The following EHHADH variants were observed in gnomAD, a reference collection of about 807,000 sequenced individuals.
EHHADH encodes peroxisomal bifunctional enzyme.
Under a neutral mutation model 64.4 loss-of-function variants are expected in EHHADH, and 48 were observed. The observed-to-expected ratio is 0.75, with a 90% CI of 0.59 to 0.95. The LOEUF (loss-of-function observed/expected upper bound fraction) is 0.95. EHHADH is among the 40% of genes least tolerant of loss of function. EHHADH has a pLI of 0.00. For missense variants in EHHADH, 854 were observed against 876.6 expected (o/e 0.97, Z 0.33); for synonymous variants, 308 against 326.7 (o/e 0.94, Z 0.62).
At chr3:185,225,731 A>G (rs1361673105) in intron 4 of EHHADH, among the ~76,000 whole-genome samples, 1 of 152,098 alleles carries the variant, frequency 6.6e-6, no homozygotes, top group Non-Finnish European at 1.5e-5. Flanking sequence ...ATTTCATTCC[A>G]GTTACATTGA....
intron 2 of EHHADH, among the ~76,000 whole-genome samples, chr3:185,238,475 C>A (rs1335889133): frequency 6.6e-6 from 1 of 151,908 alleles, no homozygotes; most frequent in Non-Finnish European, 1.5e-5. Flanking sequence ...TATCTCATTG[C>A]AGTTTTGATT....
At chr3:185,211,210 C>G (rs1718531868) in intron 5 of EHHADH, among the ~76,000 whole-genome samples, 1 of 152,196 alleles carries the variant, frequency 6.6e-6, no homozygotes, top group South Asian at 2.1e-4. Flanking sequence ...TGGTAGTTTT[C>G]AAGTCACTCA....
At chr3:185,229,993 CT>C (rs1459191092) in intron 3 of EHHADH, among the ~76,000 whole-genome samples, 6 of 152,214 alleles carry the variant, frequency 3.9e-5, no homozygotes, top group Admixed American at 3.9e-4. Flanking sequence ...GACAAGCAAC[CT>C]GTTAAAAATG....
intron 4 of EHHADH, among the ~76,000 whole-genome samples, chr3:185,226,481 T>G (rs931645316): frequency 2.0e-5 from 3 of 152,032 alleles, no homozygotes; most frequent in African/African-American, 7.2e-5. Context: ...AAACCCTGTC[T>G]CTACTAATAA....
chr3:185,194,467 C>G (rs1172544003), intron 6 of EHHADH, among the ~76,000 whole-genome samples: 1 of 151,994 alleles, frequency 6.6e-6, no homozygotes, highest in African/African-American at 2.4e-5. Context: ...ACAAAATCAG[C>G]TGGGTGTGGT....
At chr3:185,219,114 T>C (rs746454969) in intron 4 of EHHADH, among the ~76,000 whole-genome samples, 2 of 152,188 alleles carry the variant, frequency 1.3e-5, no homozygotes, top group Non-Finnish European at 2.9e-5. Context: ...AAAAATTAAG[T>C]TGACATTCTA....
At chr3:185,193,542 T>C (rs1717975379) in intron 6 of EHHADH, 55 bp from the exon 7 acceptor site, 3 of 1,568,176 alleles carry the variant, frequency 1.9e-6, no homozygotes, top group Non-Finnish European at 2.6e-6. Flanking sequence ...TGGGAACTGA[T>C]AAATTATTCA....
chr3:185,242,831 G>A (rs1422854296), intron 2 of EHHADH, among the ~76,000 whole-genome samples: 1 of 152,220 alleles, frequency 6.6e-6, no homozygotes, highest in African/African-American at 2.4e-5. Flanking sequence ...TCCCCTGCCT[G>A]TGAAGTCTGC....
chr3:185,248,524 GA>G lies in EHHADH; in HGVS notation c.75-8del. On this transcript the variant is annotated splice_region_variant and splice_polypyrimidine_tract_variant and intron_variant, in intron 1 of 6. Transcript: ENST00000231887. ...GTCACGGAGTAAAGTCGTACTAAAA[GA>G]AAACAAAATACATGAAGTAAATCAG... 3 of 1,580,756 alleles carry G rather than the reference GA, an allele frequency of 1.9e-6. No homozygotes were observed. The South Asian group carries it at 3.4e-5, about 18-fold the overall frequency.
At chr3:185,214,845 T>G (rs1417287804) in intron 5 of EHHADH, among the ~76,000 whole-genome samples, 2 of 152,236 alleles carry the variant, frequency 1.3e-5, no homozygotes, top group East Asian at 3.8e-4. Context: ...CAATATTTTA[T>G]GATAATCTAA....
chr3:185,204,342 G>A (rs114436171), intron 6 of EHHADH, 74 bp downstream of exon 6: 80 of 1,358,928 alleles, frequency 5.9e-5, no homozygotes, highest in African/African-American at 5.8e-4. Flanking sequence ...CCTAGCATCC[G>A]GTAGCCCTAA....
intron 5 of EHHADH, among the ~76,000 whole-genome samples, chr3:185,209,563 T>C (rs1004408961): frequency 1.3e-5 from 2 of 152,190 alleles, no homozygotes; most frequent in African/African-American, 4.8e-5. Context: ...AGTTTCACCA[T>C]AAAAAGACAT....
intron 6 of EHHADH, among the ~76,000 whole-genome samples, chr3:185,202,857 G>T (rs1392372727): frequency 6.6e-6 from 1 of 151,974 alleles, no homozygotes; most frequent in Non-Finnish European, 1.5e-5. Context: ...TAGACAGCTG[G>T]GCAAGGGTTA....
chr3:185,221,517 T>TC (rs991488978), intron 4 of EHHADH, among the ~76,000 whole-genome samples: 4 of 151,504 alleles, frequency 2.6e-5, no homozygotes, highest in Admixed American at 2.6e-4. Flanking sequence ...TATAAAATCA[T>TC]CCCCCCATTT....
intron 2 of EHHADH, among the ~76,000 whole-genome samples, chr3:185,236,480 A>G (rs1719300249): frequency 1.4e-5 from 2 of 141,470 alleles, no homozygotes; most frequent in Non-Finnish European, 3.3e-5. Context: ...TTTAGAGCAT[A>G]CCATAAAATC....
intron 5 of EHHADH, among the ~76,000 whole-genome samples, chr3:185,205,111 A>G (rs1316584602): frequency 6.6e-6 from 1 of 151,604 alleles, no homozygotes; most frequent in Non-Finnish European, 1.5e-5. Context: ...TTAATATATT[A>G]AATATTAATG....
At chr3:185,202,167 G>A (rs1718247665) in intron 6 of EHHADH, among the ~76,000 whole-genome samples, 1 of 152,040 alleles carries the variant, frequency 6.6e-6, no homozygotes, top group Admixed American at 6.6e-5. Flanking sequence ...GTGAAACCCT[G>A]TCTCTACTAA....
chr3:185,249,979 A>G (rs527288623), intron 1 of EHHADH, among the ~76,000 whole-genome samples: 1 of 152,152 alleles, frequency 6.6e-6, no homozygotes, highest in Non-Finnish European at 1.5e-5. Flanking sequence ...TTAGATCAGG[A>G]GCAGCCACCT....
chr3:185,233,651 T>G (rs1037694563), intron 3 of EHHADH, among the ~76,000 whole-genome samples: 1 of 152,122 alleles, frequency 6.6e-6, no homozygotes, highest in Non-Finnish European at 1.5e-5. Flanking sequence ...GTTTTTTTTG[T>G]TGTTGTTTGT....
Sources: allele counts gnomAD v4.1 joint callset (sites outside exome capture counted in the v4.1 genomes callset), GRCh38; gene constraint gnomAD v4.1.1; transcripts MANE v1.5; gene names NCBI Gene and HGNC (gene_info 2026-07-23, HGNC 2026-07-21).